The following RNF216 variants were observed in gnomAD, a reference collection of about 807,000 sequenced individuals.
RNF216 encodes the protein E3 ubiquitin-protein ligase RNF216.
Under a neutral mutation model 110.8 loss-of-function variants are expected in RNF216, and 72 were observed. The ratio of observed to expected loss-of-function variants is 0.65; its 90% CI spans 0.54 to 0.79. The LOEUF (loss-of-function observed/expected upper bound fraction) is 0.79, where lower values mean the gene tolerates loss of function less well. Among genes scored for constraint, RNF216 ranks in the 30% least tolerant of loss-of-function variants. RNF216 has a pLI of 0.00. For synonymous variants in RNF216, 495 were observed against 407.5 expected, an observed-to-expected ratio of 1.21 and a Z score of -2.59; for missense variants, 1,342 against 1,141.2, an observed-to-expected ratio of 1.18 and a Z score of -2.54.
intron 13 of RNF216, among the ~76,000 whole-genome samples, chr7:5,668,585 C>T (rs983023474): frequency 1.3e-5 from 2 of 152,102 alleles, no homozygotes; most frequent in Non-Finnish European, 2.9e-5. Context: ...GGAAGCCTCT[C>T]ATGGGGACAG....
intron 14 of RNF216, among the ~76,000 whole-genome samples, chr7:5,645,633 C>T (rs193216427): frequency 1.4e-4 from 22 of 152,096 alleles, no homozygotes. Flanking sequence ...GCTCTGTCCC[C>T]ACGCTGGTGT....
At position 5,764,902 on chromosome 7, in the gene RNF216, T is replaced by C. The variant is rs1488836407; in HGVS notation, c.-69-3764A>G. ...AGCAAACTTGGTGAGACCCCATCTC[T>C]ACAAAAAACTGAAAAAAATTAGTTG... On this transcript the variant is annotated intron_variant, in intron 1 of 16. Transcript: ENST00000389902. Among the ~76,000 whole-genome samples the C allele has an allele frequency of 5.3e-5, 8 of 151,832 alleles. No homozygotes were observed. In the South Asian group the frequency reaches 1.0e-3, roughly 20 times the overall value.
Position 5,741,091 on chromosome 7 carries a change from T to C in RNF216, c.926A>G (p.Glu309Gly). The C allele has an allele frequency of 1.9e-6, 3 of 1,614,134 alleles. No individual in the cohort carries two copies. Among genetic ancestry groups the C allele is most frequent in the Non-Finnish European group, 2.5e-6 (3 of 1,180,026 alleles). ...FEDQQLASDDEEPGPAFPMQE... is the reference protein window; with the variant it reads ...FEDQQLASDDGEPGPAFPMQE... ...CATTGGAAAGGCTGGACCTGGCTCTTCATCATCACTTGCTAACTGCTGGTC... is the reference window on the plus strand; with the variant it reads ...CATTGGAAAGGCTGGACCTGGCTCTCCATCATCACTTGCTAACTGCTGGTC... Residue 309 changes from glutamate to glycine, a missense_variant, in exon 4 of 17, where the codon GAA (glutamate) becomes GGA (glycine). Transcript: ENST00000389902.
At chr7:5,698,320 G>A (rs1791751500) in intron 13 of RNF216, among the ~76,000 whole-genome samples, 1 of 151,826 alleles carries the variant, frequency 6.6e-6, no homozygotes, top group African/African-American at 2.4e-5. Context: ...CAGAACCCCA[G>A]GCTTCCTGGG....
intron 2 of RNF216, among the ~76,000 whole-genome samples, chr7:5,756,683 T>C (rs933466617): frequency 6.6e-6 from 1 of 152,206 alleles, no homozygotes; most frequent in Non-Finnish European, 1.5e-5. Context: ...TACAATAGCA[T>C]GAACACAAGT....
chr7:5,777,889 C>T (rs542542335), intron 1 of RNF216, among the ~76,000 whole-genome samples: 1 of 152,270 alleles, frequency 6.6e-6, no homozygotes, highest in African/African-American at 2.4e-5. Context: ...TCAAGATTTT[C>T]TTCAACTGTC....
chr7:5,758,856 G>T (rs1172764809), intron 2 of RNF216, among the ~76,000 whole-genome samples: 1 of 152,152 alleles, frequency 6.6e-6, no homozygotes, highest in East Asian at 1.9e-4. Context: ...AGACTTTGGG[G>T]ACTGTTGGGA....
At chr7:5,668,888 T>A (rs915881930) in intron 13 of RNF216, among the ~76,000 whole-genome samples, 1 of 152,186 alleles carries the variant, frequency 6.6e-6, no homozygotes, top group Non-Finnish European at 1.5e-5. Context: ...ACTATCTAGT[T>A]AGCATACTAT....
chr7:5,640,885 T>C (rs998707499), intron 15 of RNF216, among the ~76,000 whole-genome samples: 4 of 152,260 alleles, frequency 2.6e-5, no homozygotes, highest in African/African-American at 9.6e-5. Flanking sequence ...TTCCTTACTT[T>C]GCTCTGGAAT....
intron 8 of RNF216, among the ~76,000 whole-genome samples, chr7:5,721,548 G>A (rs571895859): frequency 1.5e-4 from 23 of 152,272 alleles, no homozygotes; most frequent in African/African-American, 2.4e-4. Context: ...ATGTATGTCC[G>A]CAATTTACCT....
At chr7:5,657,404 C>T (rs922035008) in intron 13 of RNF216, among the ~76,000 whole-genome samples, 3 of 152,066 alleles carry the variant, frequency 2.0e-5, no homozygotes, top group Non-Finnish European at 2.9e-5. Flanking sequence ...CCCATCTCTA[C>T]TAAAAATACA....
intron 2 of RNF216, among the ~76,000 whole-genome samples, chr7:5,759,322 G>C (rs1584590325): frequency 1.3e-5 from 2 of 152,082 alleles, no homozygotes; most frequent in East Asian, 3.8e-4. Flanking sequence ...TTTACAGCCA[G>C]TGGAGAACGA....
At position 5,741,133 on chromosome 7, in the gene RNF216, G is replaced by GGA; in HGVS notation, c.882_883dup (p.Pro295LeufsTer3). ...CTGCTGGTCTTCAAACTCTCCTAGA[G>GGA]GATGGGCAGGCTGAGGAGAAGAGGG... is the stretch of plus-strand genomic sequence containing the variant. On this transcript the variant is annotated frameshift_variant, in exon 4 of 17. Transcript: ENST00000389902. LOFTEE classifies it high-confidence loss of function. The GGA allele has an allele frequency of 6.2e-7, 1 of 1,614,140 alleles. No individual in the cohort carries two copies. Among genetic ancestry groups the GGA allele is most frequent in the Non-Finnish European group, 8.5e-7 (1 of 1,180,042 alleles).
intron 3 of RNF216, among the ~76,000 whole-genome samples, chr7:5,749,437 C>T (rs542156956): frequency 6.6e-6 from 1 of 152,308 alleles, no homozygotes; most frequent in East Asian, 1.9e-4. Context: ...AGGCGTGAGC[C>T]ACCACGTCGG....
At chr7:5,694,937 A>C (rs192334651) in intron 13 of RNF216, among the ~76,000 whole-genome samples, 113 of 152,364 alleles carry the variant, frequency 7.4e-4, no homozygotes, top group African/African-American at 2.4e-3. Flanking sequence ...TACTTTCCAA[A>C]GACCCTGGTT....
At chr7:5,629,252 G>T (rs998146702) in intron 15 of RNF216, among the ~76,000 whole-genome samples, 1 of 151,358 alleles carries the variant, frequency 6.6e-6, no homozygotes, top group Non-Finnish European at 1.5e-5. Flanking sequence ...TGAGGCAGCA[G>T]GATCGCTTGA....
At chr7:5,754,329 A>C (rs1303552862) in intron 2 of RNF216, among the ~76,000 whole-genome samples, 1 of 151,966 alleles carries the variant, frequency 6.6e-6, no homozygotes, top group Non-Finnish European at 1.5e-5. Flanking sequence ...TTACTTAAAA[A>C]AAAAATTTTT....
intron 3 of RNF216, among the ~76,000 whole-genome samples, chr7:5,751,545 G>C (rs1795328412): frequency 6.6e-6 from 1 of 152,120 alleles, no homozygotes; most frequent in African/African-American, 2.4e-5. Flanking sequence ...AATCTTCATT[G>C]GGAATCATAA....
At chr7:5,772,042 T>C (rs1392102129) in intron 1 of RNF216, among the ~76,000 whole-genome samples, 1 of 152,178 alleles carries the variant, frequency 6.6e-6, no homozygotes, top group Non-Finnish European at 1.5e-5. Context: ...GAGACCAGCC[T>C]GACCAACATG....
Sources: gnomAD v4.1 joint callset for allele counts (sites outside exome capture counted in the v4.1 genomes callset) on GRCh38, gnomAD v4.1.1 for gene constraint, MANE v1.5 for transcripts, NCBI Gene and HGNC (gene_info 2026-07-23, HGNC 2026-07-21) for gene names.